The following CDC37 variants were observed in gnomAD, a reference collection of about 807,000 sequenced individuals.
The protein encoded by CDC37 is hsp90 co-chaperone Cdc37.
In CDC37, 9 loss-of-function variants were observed where a neutral mutation model predicts 46.9. The observed-to-expected ratio is 0.19, with a 90% CI of 0.12 to 0.33. The LOEUF (loss-of-function observed/expected upper bound fraction) is 0.33. Ranked by LOEUF, CDC37 falls within the 10% of genes least tolerant of loss-of-function variation. The pLI is 1.00. For synonymous variants in CDC37, 193 were observed against 191.0 expected (o/e 1.01, Z -0.09); for missense variants, 388 against 514.6 (o/e 0.75, Z 2.38).
In CDC37 at chr19:10,403,532, C is replaced by T; in HGVS notation, c.-53G>A. On this transcript the variant is annotated 5_prime_UTR_variant, in exon 1 of 8. Coordinates refer to ENST00000222005, the MANE Select transcript of CDC37 (RefSeq NM_007065.4). ...GCTCGGGTGGCGGCGACGGCGGCAG[C>T]AGTGGAGACTAGGAGCGCGGAGCCC... 1.5e-6 allele frequency: 2 copies of T among 1,378,250 alleles called. No homozygotes were observed. The highest frequency in any genetic ancestry group is 1.0e-6 in the Non-Finnish European group (1 of 976,098). The allele number at this position is 1,378,250 out of a possible 1,614,324, so 85.4% of individuals were successfully genotyped here.
rs373591353 is a variant in CDC37 at position 10,396,137 on chromosome 19, A to T, written c.169T>A (p.Cys57Ser). Reference sequence around the variant, plus strand: ...TGGCACTCGGCCACCTTGCGCTTGCACTCGCGGCAGCCCCTGTCCAGTTCC... The same window carrying T: ...TGGCACTCGGCCACCTTGCGCTTGCTCTCGCGGCAGCCCCTGTCCAGTTCC... ...KEELDRGCRE[C>S]KRKVAECQRK... is the part of the protein sequence containing the mutation. Residue 57 changes from cysteine to serine, a missense_variant, in exon 2 of 8, where the codon TGC (cysteine) becomes AGC (serine). Cys to Ser is a moderately radical substitution (Grantham distance 112). This residue lies in a region of CDC37 where 374 missense variants were observed against 467.4 expected (regional missense o/e 0.80). Transcript: ENST00000222005. The surrounding 1 kb of genome is among the most constrained non-coding windows in gnomAD (Gnocchi z 5.9). The T allele has an allele frequency of 2.6e-4, 427 of 1,613,518 alleles. No homozygotes were observed. Among genetic ancestry groups the T allele is most frequent in the Non-Finnish European group, 3.5e-4 (416 of 1,179,910 alleles).
At position 10,398,781 on chromosome 19, in the gene CDC37, G is replaced by A. The variant is rs28382778; in HGVS notation, c.103-2578C>T. 7.3e-4 allele frequency among the ~76,000 whole-genome samples: 111 copies of A among 152,248 alleles called. 1 individual carries two copies. In the East Asian group the frequency reaches 0.02, roughly 27 times the overall value. ...GTTTAATTTCTGGCCCAGAGTACACGCTCAATAACTGGGAGTGGTTGTTAC... is the reference window on the plus strand; with the variant it reads ...GTTTAATTTCTGGCCCAGAGTACACACTCAATAACTGGGAGTGGTTGTTAC... On this transcript the variant is annotated intron_variant, in intron 1 of 7. Coordinates refer to ENST00000222005, the MANE Select transcript of CDC37 (RefSeq NM_007065.4). This position sits in a 1 kb window ranked among gnomAD's most constrained non-coding sequence, Gnocchi z 4.2.
In CDC37 at chr19:10,393,482, C is replaced by T. The variant is rs200470197; in HGVS notation, c.727-41G>A. 14 of 1,573,324 alleles carry T rather than the reference C, an allele frequency of 8.9e-6. No individual in the cohort carries two copies. The African/African-American group carries it at 1.5e-4, about 17-fold the overall frequency. ...AGTGCTCACTGGACCTGGCCCAACG[C>T]TCAGGAGGGACTGGGGGGCCCAGGA... is the stretch of plus-strand genomic sequence containing the variant. On this transcript the variant is annotated intron_variant, in intron 5 of 7. Transcript: ENST00000222005. This position sits in a 1 kb window ranked among gnomAD's most constrained non-coding sequence, Gnocchi z 4.9.
intron 1 of CDC37, among the ~76,000 whole-genome samples, chr19:10,397,771 C>T (rs941787682): frequency 6.6e-6 from 1 of 152,058 alleles, no homozygotes. Flanking sequence ...GCCCTCTTAG[C>T]TCTGTCTCCA....
chr19:10,393,456 C>T lies in CDC37; in HGVS notation c.727-15G>A, dbSNP rs756199715. On this transcript the variant is annotated splice_polypyrimidine_tract_variant and intron_variant, in intron 5 of 7. Coordinates refer to ENST00000222005, the MANE Select transcript of CDC37 (RefSeq NM_007065.4). The surrounding 1 kb of genome is among the most constrained non-coding windows in gnomAD (Gnocchi z 4.9). ...CGATCGGCTGTCTATGGGGGTTGGG[C>T]AGTGCTCACTGGACCTGGCCCAACG... The T allele has an allele frequency of 1.0e-5, 16 of 1,604,234 alleles. No homozygotes were observed. In the East Asian group the frequency reaches 1.6e-4, roughly 16 times the overall value.
Position 10,396,049 on chromosome 19 carries a change from G to A in CDC37, c.257C>T (p.Ala86Val), listed in dbSNP as rs749556906. Reference sequence around the variant, plus strand: ...CTCCTTGCGCAGCTGCTGTGCCTCGGCCTGCAGGCGCTCCAGCTCTGCCTT... The same window carrying A: ...CTCCTTGCGCAGCTGCTGTGCCTCGACCTGCAGGCGCTCCAGCTCTGCCTT... ...GGKAELERLQ[A>V]EAQQLRKEER... is the part of the protein sequence containing the mutation. The change falls in exon 2 of 8, where the codon GCC (alanine) becomes GTC (valine). Residue 86 changes from alanine to valine, a missense_variant. Coordinates refer to ENST00000222005, the MANE Select transcript of CDC37 (RefSeq NM_007065.4). This position sits in a 1 kb window ranked among gnomAD's most constrained non-coding sequence, Gnocchi z 5.9. 1.7e-4 allele frequency: 275 copies of A among 1,613,922 alleles called. No homozygotes were observed. Among genetic ancestry groups the A allele is most frequent in the Non-Finnish European group, 2.2e-4 (259 of 1,179,894 alleles).
rs1418563825 is a variant in CDC37, at chr19:10,393,914, ACC to A, written c.727-475_727-474del. The A allele has an allele frequency of 6.5e-6, 1 of 153,542 alleles. No homozygotes were observed. The highest frequency in any genetic ancestry group is 1.4e-5 in the Non-Finnish European group (1 of 69,128). 9.5% of individuals were successfully genotyped at this position (153,542 alleles called of 1,614,324 possible). A position where few individuals can be genotyped will look rare whatever the true frequency, so the allele number is the denominator to read the frequency against. ...AAAACATCCTGGCTAACACGGTGAAACCCCGTCTCTACTAAAATACAAAAAAT... is the reference window on the plus strand; with the variant it reads ...AAAACATCCTGGCTAACACGGTGAAACCGTCTCTACTAAAATACAAAAAAT... On this transcript the variant is annotated intron_variant, in intron 5 of 7. Coordinates refer to ENST00000222005, the MANE Select transcript of CDC37 (RefSeq NM_007065.4). This position sits in a 1 kb window ranked among gnomAD's most constrained non-coding sequence, Gnocchi z 4.9.
intron 7 of CDC37, 47 bp from the exon 8 acceptor site, chr19:10,391,753 T>C: frequency 6.4e-7 from 1 of 1,557,834 alleles, no homozygotes; most frequent in Non-Finnish European, 8.8e-7. Context: ...CAGCCGGTGG[T>C]CCCCGTTGTC....
At chr19:10,395,855 G>C (rs2042487875) in intron 2 of CDC37, 73 bp downstream of exon 2, 1 of 1,487,514 alleles carries the variant, frequency 6.7e-7, no homozygotes, top group African/African-American at 1.4e-5. Flanking sequence ...ACCAGGCATT[G>C]GGTGCGCATG....
rs2042494110 is a variant in CDC37 at position 10,396,673 on chromosome 19, C to G, written c.103-470G>C. Among the ~76,000 whole-genome samples, 1 of 152,242 alleles carries G rather than the reference C, an allele frequency of 6.6e-6. No homozygotes were observed. Among genetic ancestry groups the G allele is most frequent in the East Asian group, 1.9e-4 (1 of 5,184 alleles). ...CAGCCTCGACCTCCCTGGGCTCAGG[C>G]GATCCTCCCACCTCAGTCTCCCAAG... is the stretch of plus-strand genomic sequence containing the variant. On this transcript the variant is annotated intron_variant, in intron 1 of 7. Coordinates refer to ENST00000222005, the MANE Select transcript of CDC37 (RefSeq NM_007065.4). This position sits in a 1 kb window ranked among gnomAD's most constrained non-coding sequence, Gnocchi z 5.9.
intron 1 of CDC37, among the ~76,000 whole-genome samples, chr19:10,403,171 G>A (rs540213797): frequency 2.0e-5 from 3 of 152,242 alleles, no homozygotes; most frequent in African/African-American, 7.2e-5. Flanking sequence ...AAAAATCGGA[G>A]CAGGGAGTGG....
At chr19:10,392,849 C>T (rs1247929831) in intron 7 of CDC37, 1 of 585,728 alleles carries the variant, frequency 1.7e-6, no homozygotes, top group African/African-American at 1.9e-5. Context: ...GACTCAGTCA[C>T]AGTAACAGTG....
At chr19:10,397,920 C>T (rs1279904748) in intron 1 of CDC37, among the ~76,000 whole-genome samples, 2 of 152,128 alleles carry the variant, frequency 1.3e-5, no homozygotes, top group African/African-American at 4.8e-5. Flanking sequence ...CCCCGCCTCA[C>T]TCCCTGTCTC....
At chr19:10,391,874 G>A (rs1283298146) in intron 7 of CDC37, among the ~76,000 whole-genome samples, 168 bp from the exon 8 acceptor site, 2 of 152,168 alleles carry the variant, frequency 1.3e-5, no homozygotes, top group African/African-American at 4.8e-5. Flanking sequence ...GTGCAATCTC[G>A]GTTCACTGCA....
intron 2 of CDC37, 151 bp from the exon 3 acceptor site, chr19:10,395,694 G>C (rs767190846): frequency 1.3e-6 from 1 of 791,060 alleles, no homozygotes; most frequent in African/African-American, 1.7e-5. Context: ...CGTGGGCATG[G>C]GCCTTGGGGC....
chr19:10,392,838 G>A (rs1599379103), intron 7 of CDC37: 1 of 570,496 alleles, frequency 1.8e-6, no homozygotes, highest in Non-Finnish European at 3.1e-6. Flanking sequence ...AACTGAGGCT[G>A]GACTCAGTCA....
chr19:10,392,963 C>G (rs1259476167), intron 7 of CDC37, 123 bp downstream of exon 7: 2 of 805,778 alleles, frequency 2.5e-6, no homozygotes, highest in African/African-American at 3.4e-5. Flanking sequence ...TGACACGACC[C>G]CCCTTACTCC....
Position 10,391,588 on chromosome 19 carries a change from A to G in CDC37, c.1100T>C (p.Val367Ala). 1 of 1,614,182 alleles carries G rather than the reference A, an allele frequency of 6.2e-7. No individual in the cohort carries two copies. Among genetic ancestry groups the G allele is most frequent in the Non-Finnish European group, 8.5e-7 (1 of 1,180,028 alleles). ...ATCCTTCTCATCGCCCGTCTTGGGA[A>G]CAGCTTCCAGTAATGGGTCCCCAGG... is the stretch of plus-strand genomic sequence containing the variant. ...AGPGDPLLEA[V>A]PKTGDEKDVS... The change falls in exon 8 of 8, where the codon GTT (valine) becomes GCT (alanine). Residue 367 changes from valine (V) to alanine (A), a missense_variant. By Grantham distance (64) the Val-to-Ala change is moderately conservative. This residue lies in a region of CDC37 where 374 missense variants were observed against 467.4 expected (regional missense o/e 0.80). Transcript: ENST00000222005.
At chr19:10,402,244 A>T (rs1055558680) in intron 1 of CDC37, among the ~76,000 whole-genome samples, 4 of 151,584 alleles carry the variant, frequency 2.6e-5, no homozygotes, top group African/African-American at 9.7e-5. Flanking sequence ...AGGAGGTTAA[A>T]CCTTTAAGTC....
Sources: gnomAD v4.1 joint callset for allele counts (sites outside exome capture counted in the v4.1 genomes callset) on GRCh38, gnomAD v4.1.1 for gene constraint, gnomAD v4.1.1 regional missense constraint, Gnocchi (gnomAD v3.1) non-coding constraint, MANE v1.5 for transcripts, NCBI Gene and HGNC (gene_info 2026-07-23, HGNC 2026-07-21) for gene names.